Variants in MARK2 observed in about 807,000 individuals in gnomAD.
The protein encoded by MARK2 is microtubule affinity regulating kinase 2.
MARK2 carries 16 observed loss-of-function variants against 89.8 expected under a neutral mutation model. The observed-to-expected ratio is 0.18, with a 90% CI of 0.12 to 0.27. The LOEUF (loss-of-function observed/expected upper bound fraction) is 0.27. MARK2 is among the 10% of genes least tolerant of loss of function. The probability of loss-of-function intolerance (pLI) is 1.00; values close to 1 mark genes in which losing one functional copy is unlikely to be tolerated. For synonymous variants in MARK2, 382 were observed against 399.5 expected, an observed-to-expected ratio of 0.96 and a Z score of 0.52; for missense variants, 621 against 1,049.9, an observed-to-expected ratio of 0.59 and a Z score of 5.65.
Position 63,900,479 on chromosome 11 carries a change from G to T in MARK2, c.769-80G>T. 6.6e-7 allele frequency: 1 copy of T among 1,514,510 alleles called. No individual in the cohort carries two copies. The highest frequency in any genetic ancestry group is 9.0e-7 in the Non-Finnish European group (1 of 1,108,020). The allele number at this position is 1,514,510 out of a possible 1,614,324, so 93.8% of individuals were successfully genotyped here. On this transcript the variant is annotated intron_variant, in intron 8 of 18. Transcript: ENST00000402010. This position sits in a 1 kb window ranked among gnomAD's most constrained non-coding sequence, Gnocchi z 4.7. ...TTTATGTCTGCTTTGCCAGGCTTAA[G>T]CTCTCAGGATCTTGGATATTAGGTT...
At chr11:63,859,177 A>G (rs777101011) in intron 1 of MARK2, among the ~76,000 whole-genome samples, 6 of 152,062 alleles carry the variant, frequency 3.9e-5, no homozygotes, top group Non-Finnish European at 5.9e-5. Flanking sequence ...CTTGGTGCCT[A>G]CAATAGCTGA....
chr11:63,890,250 C>T (rs769419903), intron 1 of MARK2: 2 of 1,344,182 alleles, frequency 1.5e-6, no homozygotes, highest in East Asian at 9.1e-5. Flanking sequence ...TGGCTCACAT[C>T]CCTGCTGTGG....
chr11:63,902,717 G>T lies in MARK2; in HGVS notation c.1351G>T (p.Ala451Ser). The T allele has an allele frequency of 6.2e-7, 1 of 1,614,094 alleles. No homozygotes were observed. The highest frequency in any genetic ancestry group is 8.5e-7 in the Non-Finnish European group (1 of 1,180,016). ...RESGRKASSTAKVPASPLPGL... is the reference protein window; with the variant it reads ...RESGRKASSTSKVPASPLPGL... The stretch of plus-strand genomic sequence containing the variant: ...GTCAGGGCGGAAAGCCAGCAGCACA[G>T]CCAAGGTGCCTGCCAGCCCCCTGCC... Residue 451 changes from alanine (A) to serine (S), a missense_variant, in exon 13 of 19, where the codon GCC becomes TCC. Ala to Ser is a moderately conservative substitution (Grantham distance 99, BLOSUM62 1). Coordinates refer to ENST00000402010, the MANE Select transcript of MARK2 (RefSeq NM_001039469.3). The surrounding 1 kb of genome is among the most constrained non-coding windows in gnomAD (Gnocchi z 4.2).
At chr11:63,877,439 A>G (rs1377163554) in intron 1 of MARK2, among the ~76,000 whole-genome samples, 1 of 152,108 alleles carries the variant, frequency 6.6e-6, no homozygotes, top group Non-Finnish European at 1.5e-5. Context: ...TGCTGAAAGG[A>G]TGAATTAAGT....
rs1328563852 is a variant in MARK2 at position 63,898,848 on chromosome 11, C to T, written c.474+15C>T. On this transcript the variant is annotated intron_variant, in intron 6 of 18. Transcript: ENST00000402010. ...AATTCCGCCAGGTAGGTGTGACTCC[C>T]TCCATAGGAGCTAGGCCTGACCTCT... 6 of 1,611,044 alleles carry T rather than the reference C, an allele frequency of 3.7e-6. No individual in the cohort carries two copies. Among genetic ancestry groups the T allele is most frequent in the Non-Finnish European group, 4.2e-6 (5 of 1,177,928 alleles).
chr11:63,860,612 A>G (rs1342216106), intron 1 of MARK2, among the ~76,000 whole-genome samples: 2 of 151,316 alleles, frequency 1.3e-5, no homozygotes, highest in Non-Finnish European at 2.9e-5. Context: ...TAATCCCAGC[A>G]CTTTGGGAGG....
At chr11:63,876,428 T>C (rs1303417446) in intron 1 of MARK2, among the ~76,000 whole-genome samples, 2 of 152,236 alleles carry the variant, frequency 1.3e-5, no homozygotes, top group East Asian at 1.9e-4. Flanking sequence ...GTGCTTTAGA[T>C]GGTGTGGATA....
intron 4 of MARK2, 111 bp from the exon 5 acceptor site, chr11:63,898,497 G>GA: frequency 2.1e-6 from 2 of 938,876 alleles, no homozygotes; most frequent in Middle Eastern, 2.2e-4. Flanking sequence ...GGGAGTGGGG[G>GA]ATCATGAAAG....
intron 6 of MARK2, 61 bp downstream of exon 6, chr11:63,898,894 A>C (rs552885691): frequency 1.4e-6 from 2 of 1,479,230 alleles, no homozygotes; most frequent in East Asian, 4.5e-5. Context: ...TTTGACATGT[A>C]AGGATAAGCT....
At position 63,902,513 on chromosome 11, in the gene MARK2, G is replaced by T; in HGVS notation, c.1235-88G>T. On this transcript the variant is annotated intron_variant, in intron 12 of 18. Transcript: ENST00000402010. The surrounding 1 kb of genome is among the most constrained non-coding windows in gnomAD (Gnocchi z 4.2). ...TGGAATGGGGGCTTGCTGGGTTGTT[G>T]GCCAGCCCTGTAGGAAATGAGCATG... is the stretch of plus-strand genomic sequence containing the variant. 7.0e-7 allele frequency: 1 copy of T among 1,433,012 alleles called. No individual in the cohort carries two copies. Among genetic ancestry groups the T allele is most frequent in the Non-Finnish European group, 9.6e-7 (1 of 1,039,526 alleles). 88.8% of individuals were successfully genotyped at this position (1,433,012 alleles called of 1,614,324 possible).
Position 63,898,745 on chromosome 11 carries a change from C to G in MARK2, c.404-18C>G, listed in dbSNP as rs550857527. The G allele has an allele frequency of 6.2e-7, 1 of 1,613,626 alleles. No individual in the cohort carries two copies. The highest frequency in any genetic ancestry group is 2.2e-5 in the East Asian group (1 of 44,906). Reference sequence around the variant, plus strand: ...CTCCAGCCAGCTCTGACTGAGATCCCTGCCTGGTCTCTTACAGGAGAGGTA... The same window carrying G: ...CTCCAGCCAGCTCTGACTGAGATCCGTGCCTGGTCTCTTACAGGAGAGGTA... On this transcript the variant is annotated intron_variant, in intron 5 of 18. Coordinates refer to ENST00000402010, the MANE Select transcript of MARK2 (RefSeq NM_001039469.3).
chr11:63,896,378 A>G (rs1359975833), intron 3 of MARK2, among the ~76,000 whole-genome samples: 4 of 152,274 alleles, frequency 2.6e-5, no homozygotes, highest in African/African-American at 9.6e-5. Flanking sequence ...AAGAGGAAGC[A>G]GGGAACCTGC....
chr11:63,904,941 T>C lies in MARK2; in HGVS notation c.1832T>C (p.Leu611Ser), dbSNP rs767644540. Residue 611 changes from leucine (L) to serine (S), a missense_variant, in exon 16 of 19, where the codon TTG becomes TCG. Coordinates refer to ENST00000402010, the MANE Select transcript of MARK2 (RefSeq NM_001039469.3). This position sits in a 1 kb window ranked among gnomAD's most constrained non-coding sequence, Gnocchi z 6.3. Reference sequence around the variant, plus strand: ...CGACAGGTGCGGGACCAGCAGAATTTGCCCTACGGTGTGACCCCAGCCTCT... The same window carrying C: ...CGACAGGTGCGGGACCAGCAGAATTCGCCCTACGGTGTGACCCCAGCCTCT... The part of the protein sequence containing the change: ...QLRQVRDQQN[L>S]PYGVTPASPS... 3 of 1,614,106 alleles carry C rather than the reference T, an allele frequency of 1.9e-6. No individual in the cohort carries two copies. The East Asian group carries it at 6.7e-5, about 36-fold the overall frequency.
At chr11:63,849,475 G>A (rs1043394972) in intron 1 of MARK2, among the ~76,000 whole-genome samples, 4 of 152,136 alleles carry the variant, frequency 2.6e-5, no homozygotes, top group African/African-American at 4.8e-5. Flanking sequence ...TTGGTGGGCC[G>A]GGCGCGGTGG....
intron 1 of MARK2, among the ~76,000 whole-genome samples, chr11:63,847,239 G>A (rs2016331503): frequency 6.6e-6 from 1 of 152,076 alleles, no homozygotes; most frequent in Admixed American, 6.5e-5. Context: ...TTAGAAAATG[G>A]CAAAAAGGGC....
At chr11:63,890,828 A>G (rs1778281764) in intron 1 of MARK2, among the ~76,000 whole-genome samples, 2 of 152,206 alleles carry the variant, frequency 1.3e-5, no homozygotes, top group African/African-American at 2.4e-5. Flanking sequence ...TGTGTAAAGT[A>G]GGGAATGTTT....
intron 1 of MARK2, among the ~76,000 whole-genome samples, chr11:63,875,915 G>A (rs184761196): frequency 2.6e-5 from 4 of 152,320 alleles, no homozygotes; most frequent in African/African-American, 7.2e-5. Flanking sequence ...AAGAGGCAGC[G>A]CCCAGCTTCA....
chr11:63,888,801 G>A lies in MARK2; in HGVS notation c.55-6358G>A, dbSNP rs1333482854. Reference sequence around the variant, plus strand: ...TTTCACTGAGGAGGTGGTGGAAGGTGTCGCCTGCTCTGGCTGAGTAAGGGT... The same window carrying A: ...TTTCACTGAGGAGGTGGTGGAAGGTATCGCCTGCTCTGGCTGAGTAAGGGT... On this transcript the variant is annotated intron_variant, in intron 1 of 18. Transcript: ENST00000402010. 7 of 1,271,998 alleles carry A rather than the reference G, an allele frequency of 5.5e-6. No individual in the cohort carries two copies. In the Admixed American group the frequency reaches 7.4e-5, roughly 13 times the overall value. The allele number at this position is 1,271,998 out of a possible 1,614,324, so 78.8% of individuals were successfully genotyped here.
chr11:63,868,692 C>G lies in MARK2; in HGVS notation c.55-26467C>G, dbSNP rs1938270393. The stretch of plus-strand genomic sequence containing the variant: ...CTGAGTTCTGTCCTTGCCCCTGACA[C>G]CAACGTGTCTGCCTGCGTTGTTGCT... On this transcript the variant is annotated intron_variant, in intron 1 of 18. Coordinates refer to ENST00000402010, the MANE Select transcript of MARK2 (RefSeq NM_001039469.3). 1.1e-5 allele frequency: 5 copies of G among 445,994 alleles called. No individual in the cohort carries two copies. In the Admixed American group the frequency reaches 1.2e-4, roughly 11 times the overall value. The allele number at this position is 445,994 out of a possible 1,614,324, so 27.6% of individuals were successfully genotyped here. A position where few individuals can be genotyped will look rare whatever the true frequency, so the allele number is the denominator to read the frequency against.
Sources: allele counts gnomAD v4.1 joint callset (sites outside exome capture counted in the v4.1 genomes callset), GRCh38; gene constraint gnomAD v4.1.1; non-coding constraint Gnocchi (gnomAD v3.1); transcripts MANE v1.5; gene names NCBI Gene and HGNC (gene_info 2026-07-23, HGNC 2026-07-21).